TEKT5: variants seen among roughly 807,000 people sequenced by gnomAD.
TEKT5 encodes the protein tektin 5, also known as tektin-5.
In TEKT5, 52 loss-of-function variants were observed where a neutral mutation model predicts 48.7. The observed-to-expected ratio is 1.07, with a 90% CI of 0.86 to 1.35. TEKT5 has a LOEUF of 1.35. Ranked by LOEUF, TEKT5 falls within the 40% of genes most tolerant of loss-of-function variation. The pLI, the probability that TEKT5 is intolerant of heterozygous loss-of-function variation, is 0.00. For synonymous variants in TEKT5, 318 were observed against 267.6 expected, an observed-to-expected ratio of 1.19 and a Z score of -1.84; for missense variants, 831 against 641.6, an observed-to-expected ratio of 1.30 and a Z score of -3.19.
intron 5 of TEKT5, among the ~76,000 whole-genome samples, chr16:10,665,613 T>C (rs550314292): frequency 6.6e-6 from 1 of 152,160 alleles, no homozygotes; most frequent in South Asian, 2.1e-4. Context: ...AGTGTTCCCA[T>C]GAACTGATAA....
At chr16:10,646,164 A>G (rs1423594988) in intron 5 of TEKT5, among the ~76,000 whole-genome samples, 4 of 152,132 alleles carry the variant, frequency 2.6e-5, no homozygotes, top group Non-Finnish European at 5.9e-5. Context: ...TTGATCTGAC[A>G]TTCAAGTTTA....
chr16:10,681,057 A>C (rs1422896333), intron 4 of TEKT5, among the ~76,000 whole-genome samples: 1 of 150,550 alleles, frequency 6.6e-6, no homozygotes, highest in Non-Finnish European at 1.5e-5. Flanking sequence ...AAAAAAAAAA[A>C]ACCTCACAAT....
rs749265007 is a variant in TEKT5 at position 10,676,166 on chromosome 16, CT to C, written c.878del (p.Glu293GlyfsTer57). 6 of 1,614,230 alleles carry C rather than the reference CT, an allele frequency of 3.7e-6. No individual in the cohort carries two copies. Among genetic ancestry groups the C allele is most frequent in the Non-Finnish European group, 4.2e-6 (5 of 1,180,040 alleles). Reference sequence around the variant, plus strand: ...TGTCGTTACTGAACTTGGCCCAGGTCTCAGGTACGGAGATCCTGCAAAGGCA... The same window carrying C: ...TGTCGTTACTGAACTTGGCCCAGGTCCAGGTACGGAGATCCTGCAAAGGCA... ...EKIDGTISVP[E>X]TWAKFSNDNI... On this transcript the variant is annotated frameshift_variant, in exon 5 of 7. Coordinates refer to ENST00000283025, the MANE Select transcript of TEKT5 (RefSeq NM_144674.2). LOFTEE classifies it high-confidence loss of function.
intron 5 of TEKT5, among the ~76,000 whole-genome samples, chr16:10,660,857 C>T (rs1004198310): frequency 2.6e-5 from 4 of 152,090 alleles, no homozygotes; most frequent in East Asian, 3.9e-4. Flanking sequence ...CACACCGCCA[C>T]GCACGGCTAA....
At chr16:10,649,234 C>A (rs1211546877) in intron 5 of TEKT5, among the ~76,000 whole-genome samples, 1 of 151,950 alleles carries the variant, frequency 6.6e-6, no homozygotes, top group Non-Finnish European at 1.5e-5. Flanking sequence ...TGTTCCCAAC[C>A]CAGTCTCCTA....
At position 10,640,905 on chromosome 16, in the gene TEKT5, T is replaced by A. The variant is rs185028341; in HGVS notation, c.1087-4987A>T. On this transcript the variant is annotated intron_variant, in intron 5 of 6. Coordinates refer to ENST00000283025, the MANE Select transcript of TEKT5 (RefSeq NM_144674.2). ...ATGGACATGTGGGTTGTTTCCACTT[T>A]GGGGCTATTACAAATAAGAGCTGCT... is the stretch of plus-strand genomic sequence containing the variant. 1.3e-4 allele frequency among the ~76,000 whole-genome samples: 20 copies of A among 152,354 alleles called. No homozygotes were observed. In the East Asian group the frequency reaches 3.5e-3, roughly 26 times the overall value.
chr16:10,681,795 T>A (rs1027053442), intron 4 of TEKT5, among the ~76,000 whole-genome samples, 198 bp downstream of exon 4: 1 of 152,008 alleles, frequency 6.6e-6, no homozygotes, highest in Admixed American at 6.6e-5. Flanking sequence ...GGCTCCCCCA[T>A]ACCTCCTCCG....
intron 5 of TEKT5, among the ~76,000 whole-genome samples, chr16:10,652,366 G>A (rs1898171928): frequency 6.6e-6 from 1 of 150,860 alleles, no homozygotes; most frequent in South Asian, 2.1e-4. Context: ...TCCAGGCCAG[G>A]TAGAACTATC....
At chr16:10,681,929 A>G in intron 4 of TEKT5, 64 bp downstream of exon 4, 1 of 1,574,928 alleles carries the variant, frequency 6.3e-7, no homozygotes, top group Admixed American at 1.7e-5. Flanking sequence ...ATTCGTTGGC[A>G]GGAGCAGAAG....
At chr16:10,630,743 G>A (rs1897827096) in intron 6 of TEKT5, among the ~76,000 whole-genome samples, 1 of 152,204 alleles carries the variant, frequency 6.6e-6, no homozygotes, top group South Asian at 2.1e-4. Flanking sequence ...TTTTGGCTAG[G>A]CGTGGTGACT....
chr16:10,666,195 C>T (rs1382982228), intron 5 of TEKT5, among the ~76,000 whole-genome samples: 1 of 152,190 alleles, frequency 6.6e-6, no homozygotes. Flanking sequence ...TTTATACACT[C>T]AGATTCTTCC....
At chr16:10,690,084 G>A in intron 1 of TEKT5, 59 bp from the exon 2 acceptor site, 1 of 1,562,274 alleles carries the variant, frequency 6.4e-7, no homozygotes, top group Admixed American at 1.7e-5. Flanking sequence ...ACCCTGAGCA[G>A]AAGGGACTCA....
chr16:10,637,148 A>AT (rs112246826), intron 5 of TEKT5, among the ~76,000 whole-genome samples: 27,103 of 150,470 alleles, frequency 0.18, 2,860 homozygotes, highest in African/African-American at 0.28. Flanking sequence ...TGCCTGGCTA[A>AT]TTTTTTTTTA....
At chr16:10,694,161 C>T in intron 1 of TEKT5, 149 bp downstream of exon 1, 1 of 717,784 alleles carries the variant, frequency 1.4e-6, no homozygotes, top group South Asian at 2.2e-5. Flanking sequence ...CCTGAATTGA[C>T]TAAGATTGTA....
rs200955097 is a variant in TEKT5, at chr16:10,627,557, C to A, written c.*26G>T. 1.3e-5 allele frequency: 21 copies of A among 1,610,868 alleles called. 1 individual carries two copies. The highest frequency in any genetic ancestry group is 6.7e-5 in the Admixed American group (4 of 59,968). On this transcript the variant is annotated 3_prime_UTR_variant, in exon 7 of 7. Coordinates refer to ENST00000283025, the MANE Select transcript of TEKT5 (RefSeq NM_144674.2). ...TCAGCCTTTTCCAATTTTACGCCAG[C>A]GCGGAATGAGGCGCCAGGGCGGTGC...
rs1183586300 is a variant in TEKT5 at position 10,694,324 on chromosome 16, T to C, written c.550A>G (p.Asn184Asp). Residue 184 changes from asparagine (N) to aspartate (D), a missense_variant, in exon 1 of 7, where the codon AAC becomes GAC. By Grantham distance (23) the Asn-to-Asp change is conservative. Transcript: ENST00000283025. ...RRLECAANEV[N>D]CPLQVALECL... The stretch of plus-strand genomic sequence containing the variant: ...CCTGTACTCACCTGCAATGGGCAGT[T>C]CACCTCATTGGCCGCGCACTCCAGC... 6.2e-7 allele frequency: 1 copy of C among 1,600,356 alleles called. No individual in the cohort carries two copies. Among genetic ancestry groups the C allele is most frequent in the African/African-American group, 1.3e-5 (1 of 74,762 alleles).
chr16:10,683,450 G>A (rs1898796292), intron 3 of TEKT5, among the ~76,000 whole-genome samples: 1 of 152,186 alleles, frequency 6.6e-6, no homozygotes, highest in Non-Finnish European at 1.5e-5. Flanking sequence ...AGCCAGGAGG[G>A]CTGGTTGGTA....
intron 5 of TEKT5, among the ~76,000 whole-genome samples, chr16:10,644,153 G>A (rs1404153104): frequency 6.6e-6 from 1 of 152,160 alleles, no homozygotes; most frequent in East Asian, 1.9e-4. Flanking sequence ...CTAATGGATG[G>A]CACTAGTCGA....
chr16:10,680,431 G>A (rs1898726985), intron 4 of TEKT5, among the ~76,000 whole-genome samples: 2 of 149,122 alleles, frequency 1.3e-5, no homozygotes, highest in Admixed American at 6.7e-5. Flanking sequence ...ACCAACATGT[G>A]CCAAGCACAA....
Sources: gnomAD v4.1 joint callset for allele counts (sites outside exome capture counted in the v4.1 genomes callset) on GRCh38, gnomAD v4.1.1 for gene constraint, MANE v1.5 for transcripts, NCBI Gene and HGNC (gene_info 2026-07-23, HGNC 2026-07-21) for gene names.